The following PALS1 variants were observed in gnomAD, a reference collection of about 807,000 sequenced individuals.
PALS1 encodes protein PALS1.
PALS1 carries 31 observed loss-of-function variants against 78.9 expected under a neutral mutation model. The observed-to-expected ratio is 0.39, with a 90% CI of 0.30 to 0.53. PALS1 has a LOEUF of 0.53. Ranked by LOEUF, PALS1 falls within the 20% of genes least tolerant of loss-of-function variation. PALS1 has a pLI of 0.67. For missense variants in PALS1, 704 were observed against 826.5 expected (o/e 0.85, Z 1.82); for synonymous variants, 276 against 270.9 (o/e 1.02, Z -0.18).
chr14:67,300,736 A>G (rs1266970608), intron 4 of PALS1, among the ~76,000 whole-genome samples: 2 of 152,210 alleles, frequency 1.3e-5, no homozygotes, highest in African/African-American at 4.8e-5. Flanking sequence ...AGTTTATCCT[A>G]GGAAGACAAA....
At chr14:67,302,387 A>T in intron 6 of PALS1, 23 bp from the exon 7 acceptor site, 1 of 1,364,912 alleles carries the variant, frequency 7.3e-7, no homozygotes, top group Non-Finnish European at 9.6e-7. Flanking sequence ...TTATTTTTAA[A>T]TTATACATAT....
intron 9 of PALS1, among the ~76,000 whole-genome samples, chr14:67,314,721 GT>G (rs1473396999): frequency 6.6e-6 from 1 of 152,204 alleles, no homozygotes; most frequent in Non-Finnish European, 1.5e-5. Context: ...ACATTTCTAA[GT>G]CTTTTTATAA....
chr14:67,254,199 T>TATA (rs1567501928), intron 1 of PALS1: 221 of 145,804 alleles, frequency 1.5e-3, no homozygotes, highest in African/African-American at 5.7e-3. Context: ...TTTTTTTTTT[T>TATA]TTAGATTTTA....
chr14:67,271,384 C>T (rs2084404269), intron 2 of PALS1: 2 of 152,264 alleles, frequency 1.3e-5, no homozygotes, highest in South Asian at 4.1e-4. Context: ...ATTCTGAAGC[C>T]TTCTGTTGTT....
At chr14:67,252,765 T>C (rs2084085860) in intron 1 of PALS1, among the ~76,000 whole-genome samples, 3 of 152,200 alleles carry the variant, frequency 2.0e-5, no homozygotes, top group Non-Finnish European at 4.4e-5. Context: ...TGGTTTCAAT[T>C]TGTACTTTTA....
intron 2 of PALS1, 67 bp from the exon 3 acceptor site, chr14:67,278,951 G>A (rs924741714): frequency 6.9e-5 from 28 of 408,466 alleles, no homozygotes; most frequent in African/African-American, 5.3e-4. Context: ...ATTAGAAGTG[G>A]GCTCTGTAAA....
chr14:67,285,354 T>C (rs1442791686), intron 3 of PALS1, among the ~76,000 whole-genome samples: 1 of 151,500 alleles, frequency 6.6e-6, no homozygotes, highest in Non-Finnish European at 1.5e-5. Context: ...CAGATGGAGA[T>C]TCCTTAGGTA....
At chr14:67,306,995 G>A (rs527687561) in intron 8 of PALS1, among the ~76,000 whole-genome samples, 3 of 152,266 alleles carry the variant, frequency 2.0e-5, no homozygotes, top group Non-Finnish European at 4.4e-5. Context: ...CAAAATAAGT[G>A]TTATCTGAAA....
At chr14:67,286,635 C>T (rs1027166045) in intron 3 of PALS1, among the ~76,000 whole-genome samples, 1 of 151,304 alleles carries the variant, frequency 6.6e-6, no homozygotes. Context: ...GTGGGTGGAT[C>T]GCTTGAGCTC....
intron 5 of PALS1, 58 bp downstream of exon 5, chr14:67,301,524 A>T (rs1437236353): frequency 7.8e-7 from 1 of 1,278,060 alleles, no homozygotes; most frequent in East Asian, 2.4e-5. Context: ...CTATTTTTTT[A>T]AATCAAAGAC....
Position 67,320,284 on chromosome 14 carries a change from C to T in PALS1, c.1424C>T (p.Pro475Leu). Reference protein sequence around the residue: ...TYEEMSLYHQPANRKRPIILI... With the variant: ...TYEEMSLYHQLANRKRPIILI... ...GAGGAAATGTCACTTTATCATCAGC[C>T]AGCAAATAGGAAGAGACCTATCATC... Residue 475 changes from proline (P) to leucine (L), a missense_variant, in exon 12 of 15, where the codon CCA becomes CTA. By Grantham distance (98) the Pro-to-Leu change is moderately conservative (BLOSUM62 -3). Transcript: ENST00000261681. 6.2e-7 allele frequency: 1 copy of T among 1,613,598 alleles called. No homozygotes were observed. The highest frequency in any genetic ancestry group is 8.5e-7 in the Non-Finnish European group (1 of 1,179,794).
chr14:67,271,741 G>A (rs73280967), intron 2 of PALS1: 23,530 of 152,106 alleles, frequency 0.15, 3,439 homozygotes, highest in East Asian at 0.42. Flanking sequence ...TTTAATTTTG[G>A]ACATATTTCT....
intron 3 of PALS1, among the ~76,000 whole-genome samples, chr14:67,289,795 C>T (rs572598372): frequency 7.7e-5 from 7 of 90,682 alleles, no homozygotes; most frequent in African/African-American, 3.9e-4. Flanking sequence ...TTTTTTGAGA[C>T]GGAGTCTCTC....
In PALS1 at chr14:67,294,354, T is replaced by C. The variant is rs564187156; in HGVS notation, c.576+1635T>C. On this transcript the variant is annotated intron_variant, in intron 4 of 14. Transcript: ENST00000261681. ...ACAAGGAGAGGAATGTTAAATCTGATAACAAAATCGTAAAGGTTAAATGGA... is the reference window on the plus strand; with the variant it reads ...ACAAGGAGAGGAATGTTAAATCTGACAACAAAATCGTAAAGGTTAAATGGA... The C allele has an allele frequency of 6.1e-4, 93 of 152,188 alleles. 1 individual carries two copies. The highest frequency in any genetic ancestry group is 2.2e-3 in the African/African-American group (92 of 41,524). 9.4% of individuals were successfully genotyped at this position (152,188 alleles called of 1,614,324 possible).
intron 3 of PALS1, among the ~76,000 whole-genome samples, chr14:67,288,182 C>T (rs577363771): frequency 1.3e-5 from 2 of 152,114 alleles, no homozygotes; most frequent in Non-Finnish European, 1.5e-5. Flanking sequence ...GAGGTTCAAG[C>T]GATTCTCCTG....
intron 14 of PALS1, among the ~76,000 whole-genome samples, chr14:67,324,995 C>CCCAGG (rs1365468445): frequency 6.7e-6 from 1 of 150,126 alleles, no homozygotes; most frequent in Non-Finnish European, 1.5e-5. Context: ...AGCTCCGCCT[C>CCCAGG]CCAGGTTCAC....
chr14:67,317,762 C>G (rs759229570), intron 11 of PALS1, among the ~76,000 whole-genome samples: 2 of 152,198 alleles, frequency 1.3e-5, no homozygotes, highest in Admixed American at 6.5e-5. Context: ...TCTTACAGAA[C>G]ATACTTGAAG....
At chr14:67,248,851 G>T (rs369928727) in intron 1 of PALS1, among the ~76,000 whole-genome samples, 18 of 152,082 alleles carry the variant, frequency 1.2e-4, no homozygotes, top group African/African-American at 4.1e-4. Context: ...ATAGAGATGG[G>T]GTCTCACTGT....
At chr14:67,314,695 A>G (rs1348988217) in intron 9 of PALS1, among the ~76,000 whole-genome samples, 1 of 152,274 alleles carries the variant, frequency 6.6e-6, no homozygotes, top group Non-Finnish European at 1.5e-5. Context: ...CTGAAAGTAT[A>G]TAGATTCCAA....
Sources: gnomAD v4.1 joint callset for allele counts (sites outside exome capture counted in the v4.1 genomes callset) on GRCh38, gnomAD v4.1.1 for gene constraint, MANE v1.5 for transcripts, NCBI Gene and HGNC (gene_info 2026-07-23, HGNC 2026-07-21) for gene names.